The following FRMD3 variants were observed in gnomAD, a reference collection of about 807,000 sequenced individuals.
The protein encoded by FRMD3 is FERM domain containing 3, also known as FERM domain-containing protein 3.
In FRMD3, 33 loss-of-function variants were observed where a neutral mutation model predicts 70.2. The observed-to-expected ratio is 0.47, with a 90% CI of 0.36 to 0.63. FRMD3 has a LOEUF of 0.63. Ranked by LOEUF, FRMD3 falls within the 20% of genes least tolerant of loss-of-function variation. The pLI is 0.00. For synonymous variants in FRMD3, 279 were observed against 255.9 expected (o/e 1.09, Z -0.86); for missense variants, 632 against 711.4 (o/e 0.89, Z 1.27).
chr9:83,483,526 C>T (rs1001711037), intron 1 of FRMD3, among the ~76,000 whole-genome samples: 1 of 152,160 alleles, frequency 6.6e-6, no homozygotes, highest in African/African-American at 2.4e-5. Flanking sequence ...CTTAAATGAG[C>T]TATTGTGGAT....
chr9:83,468,814 C>A (rs560105885), intron 1 of FRMD3, among the ~76,000 whole-genome samples: 225 of 152,334 alleles, frequency 1.5e-3, no homozygotes, highest in Non-Finnish European at 2.7e-3. Context: ...GACTAGACAG[C>A]CCTGGCAACA....
At chr9:83,523,701 C>A (rs2131548882) in intron 1 of FRMD3, among the ~76,000 whole-genome samples, 1 of 152,338 alleles carries the variant, frequency 6.6e-6, no homozygotes, top group Admixed American at 6.5e-5. Flanking sequence ...TCTCAAATTA[C>A]CACACTGCTG....
chr9:83,301,022 G>A (rs949506627), intron 10 of FRMD3, among the ~76,000 whole-genome samples: 5 of 152,198 alleles, frequency 3.3e-5, no homozygotes, highest in Admixed American at 6.5e-5. Context: ...ATATTAAGCA[G>A]GGAGAGTAAG....
intron 13 of FRMD3, among the ~76,000 whole-genome samples, chr9:83,288,965 C>G (rs1191065398): frequency 6.6e-6 from 1 of 152,190 alleles, no homozygotes; most frequent in East Asian, 1.9e-4. Flanking sequence ...AAATTGCATT[C>G]CCATCTAAGC....
At chr9:83,550,353 G>A in the FRMD3 span, among the ~76,000 whole-genome samples, 2 of 152,118 alleles carry the variant, frequency 1.3e-5, no homozygotes, top group Non-Finnish European at 2.9e-5. Flanking sequence ...CTGTAGACTT[G>A]TAGTATACTT....
intron 8 of FRMD3, among the ~76,000 whole-genome samples, chr9:83,311,683 C>T (rs890903273): frequency 7.9e-5 from 12 of 152,060 alleles, no homozygotes; most frequent in East Asian, 1.9e-4. Context: ...CCTGAGCCCA[C>T]GCCTCCTAAG....
intron 1 of FRMD3, among the ~76,000 whole-genome samples, chr9:83,437,693 G>A (rs1827175596): frequency 6.6e-6 from 1 of 152,106 alleles, no homozygotes; most frequent in Non-Finnish European, 1.5e-5. Context: ...ACCCAGCTGA[G>A]ATTGAGCCTA....
chr9:83,278,449 T>A (rs998644128), intron 13 of FRMD3, among the ~76,000 whole-genome samples: 3 of 152,030 alleles, frequency 2.0e-5, no homozygotes, highest in Non-Finnish European at 4.4e-5. Context: ...TAGACAGAGA[T>A]GAGGGGCTGC....
chr9:83,507,386 G>T (rs78623633), intron 1 of FRMD3, among the ~76,000 whole-genome samples: 6 of 69,720 alleles, frequency 8.6e-5, no homozygotes, highest in Middle Eastern at 0.011. Context: ...AAAAAAAAAA[G>T]GCTGGGTGTG....
Position 83,245,815 on chromosome 9 carries a change from T to A in FRMD3, c.*2103A>T. 1 of 985,284 alleles carries A rather than the reference T, an allele frequency of 1.0e-6. No individual in the cohort carries two copies. Among genetic ancestry groups the A allele is most frequent in the Non-Finnish European group, 1.2e-6 (1 of 829,848 alleles). 61.0% of individuals were successfully genotyped at this position (985,284 alleles called of 1,614,324 possible). On this transcript the variant is annotated 3_prime_UTR_variant, in exon 14 of 14. Coordinates refer to ENST00000304195, the MANE Select transcript of FRMD3 (RefSeq NM_174938.6). ...GTCAGAAAGGATGACTTAGAAGTCG[T>A]ATGAGAAAAGAAGGAGAAAAACACA... is the stretch of plus-strand genomic sequence containing the variant.
At chr9:83,338,577 T>C (rs1158004126) in intron 5 of FRMD3, among the ~76,000 whole-genome samples, 1 of 152,104 alleles carries the variant, frequency 6.6e-6, no homozygotes, top group Non-Finnish European at 1.5e-5. Flanking sequence ...ACGTATGCAA[T>C]ATGGACAGAT....
chr9:83,407,871 CTCA>C (rs1423241312), intron 1 of FRMD3, among the ~76,000 whole-genome samples: 1 of 115,796 alleles, frequency 8.6e-6, no homozygotes, highest in Non-Finnish European at 1.7e-5. Flanking sequence ...CTCTCTCTCT[CTCA>C]TCTTTCTCTC....
intron 13 of FRMD3, among the ~76,000 whole-genome samples, chr9:83,272,722 T>G (rs1355418894): frequency 6.9e-6 from 1 of 145,448 alleles, no homozygotes; most frequent in Non-Finnish European, 1.5e-5. Flanking sequence ...CGCCATCCCA[T>G]CTAGGAAGTG....
At chr9:83,372,983 A>G in intron 2 of FRMD3, 28 bp from the exon 3 acceptor site, 1 of 1,595,488 alleles carries the variant, frequency 6.3e-7, no homozygotes, top group East Asian at 2.2e-5. Flanking sequence ...AAAAGCAGAG[A>G]TCAGGGGTCA....
intron 6 of FRMD3, among the ~76,000 whole-genome samples, chr9:83,315,044 A>T (rs1234710623): frequency 6.6e-6 from 1 of 151,714 alleles, no homozygotes; most frequent in Non-Finnish European, 1.5e-5. Context: ...TGCTTCTGTC[A>T]TTGATATGTT....
At chr9:83,380,616 G>T (rs1825324495) in intron 2 of FRMD3, among the ~76,000 whole-genome samples, 2 of 152,122 alleles carry the variant, frequency 1.3e-5, no homozygotes, top group Non-Finnish European at 2.9e-5. Context: ...GGTACTTTGT[G>T]ACTAAGAAGA....
chr9:83,314,271 C>T (rs534316119), intron 6 of FRMD3, among the ~76,000 whole-genome samples: 2 of 152,182 alleles, frequency 1.3e-5, no homozygotes, highest in Non-Finnish European at 2.9e-5. Context: ...CACTGTCCTG[C>T]GAGGTGGTAA....
chr9:83,343,794 C>T (rs1823859705), intron 4 of FRMD3, among the ~76,000 whole-genome samples: 1 of 152,234 alleles, frequency 6.6e-6, no homozygotes, highest in Admixed American at 6.5e-5. Flanking sequence ...AGAAAGGCAA[C>T]TAACTGATTC....
At chr9:83,506,183 A>G (rs1379966802) in intron 1 of FRMD3, among the ~76,000 whole-genome samples, 3 of 152,224 alleles carry the variant, frequency 2.0e-5, no homozygotes, top group Non-Finnish European at 2.9e-5. Flanking sequence ...CACTGTACAT[A>G]TAAGAGTTTA....
Sources: gnomAD v4.1 joint callset for allele counts (sites outside exome capture counted in the v4.1 genomes callset) on GRCh38, gnomAD v4.1.1 for gene constraint, MANE v1.5 for transcripts, NCBI Gene and HGNC (gene_info 2026-07-23, HGNC 2026-07-21) for gene names.